The following MED1 variants were observed in gnomAD, a reference collection of about 807,000 sequenced individuals.
The protein encoded by MED1 is mediator complex subunit 1, also known as mediator of RNA polymerase II transcription subunit 1.
A neutral mutation model predicts 121.3 loss-of-function variants in MED1; 17 were observed. The observed-to-expected ratio is 0.14, with a 90% CI of 0.10 to 0.21. MED1 has a LOEUF of 0.21. Ranked by LOEUF, MED1 falls within the 10% of genes least tolerant of loss-of-function variation. The pLI is 1.00. For synonymous variants in MED1, 661 were observed against 694.4 expected (o/e 0.95, Z 0.76); for missense variants, 1,558 against 1,919.4 (o/e 0.81, Z 3.52).
At position 39,451,171 on chromosome 17, in the gene MED1, C is replaced by G; in HGVS notation, c.-109G>C. ...TCCCGGGACGCAGGGCACCAGCAGT[C>G]CCTACTCTTCCCGGGAAGGATCAAT... On this transcript the variant is annotated 5_prime_UTR_variant, in exon 1 of 17. Coordinates refer to ENST00000300651, the MANE Select transcript of MED1 (RefSeq NM_004774.4). The G allele has an allele frequency of 8.1e-7, 1 of 1,239,264 alleles. No homozygotes were observed. The highest frequency in any genetic ancestry group is 2.5e-5 in the East Asian group (1 of 40,228). The allele number at this position is 1,239,264 out of a possible 1,614,324, so 76.8% of individuals were successfully genotyped here. A position where few individuals can be genotyped will look rare whatever the true frequency, so the allele number is the denominator to read the frequency against.
intron 9 of MED1, among the ~76,000 whole-genome samples, chr17:39,428,175 C>G (rs1398424670): frequency 6.6e-6 from 1 of 152,126 alleles, no homozygotes; most frequent in African/African-American, 2.4e-5. Context: ...ATGGTGAAAC[C>G]CCATCTCTAC....
chr17:39,432,791 G>A (rs545198844), intron 7 of MED1, among the ~76,000 whole-genome samples: 12 of 151,728 alleles, frequency 7.9e-5, no homozygotes, highest in East Asian at 3.9e-4. Context: ...CTGGCCAGGC[G>A]CGGTGGCTCA....
In MED1 at chr17:39,406,823, A is replaced by G; in HGVS notation, c.*652T>C. ...CGGCCTTCCATCATTTTGAACCCTA[A>G]ACCTCATAGATTTAGAACGAAACAC... On this transcript the variant is annotated 3_prime_UTR_variant, in exon 17 of 17. Coordinates refer to ENST00000300651, the MANE Select transcript of MED1 (RefSeq NM_004774.4). 1 of 985,514 alleles carries G rather than the reference A, an allele frequency of 1.0e-6. No individual in the cohort carries two copies. The highest frequency in any genetic ancestry group is 1.2e-6 in the Non-Finnish European group (1 of 829,938). The allele number at this position is 985,514 out of a possible 1,614,324, so 61.0% of individuals were successfully genotyped here.
chr17:39,443,818 T>C (rs1412209151), intron 2 of MED1, among the ~76,000 whole-genome samples, 190 bp from the exon 3 acceptor site: 2 of 71,630 alleles, frequency 2.8e-5, no homozygotes, highest in African/African-American at 8.9e-5. Context: ...GCAAAATCCA[T>C]ATATATGAGT....
chr17:39,405,092 C>A lies in MED1; in HGVS notation c.*2383G>T. ...CTTTTGAAACAGAAGAATGAGTACA[C>A]CTAGACAGGAGGGAGGTGTCCCAGG... is the stretch of plus-strand genomic sequence containing the variant. On this transcript the variant is annotated 3_prime_UTR_variant, in exon 17 of 17. Transcript: ENST00000300651. 9.6e-7 allele frequency: 1 copy of A among 1,037,896 alleles called. No homozygotes were observed. The allele number at this position is 1,037,896 out of a possible 1,614,324, so 64.3% of individuals were successfully genotyped here. A position where few individuals can be genotyped will look rare whatever the true frequency, so the allele number is the denominator to read the frequency against.
At position 39,406,371 on chromosome 17, in the gene MED1, T is replaced by A; in HGVS notation, c.*1104A>T. 1 of 985,510 alleles carries A rather than the reference T, an allele frequency of 1.0e-6. No individual in the cohort carries two copies. The highest frequency in any genetic ancestry group is 1.2e-6 in the Non-Finnish European group (1 of 829,920). 61.0% of individuals were successfully genotyped at this position (985,510 alleles called of 1,614,324 possible). A position where few individuals can be genotyped will look rare whatever the true frequency, so the allele number is the denominator to read the frequency against. Reference sequence around the variant, plus strand: ...CCTTGTGATGAAGAGAAACAGTGAGTCCAGCTCTTAGGAATGGCATCAGTT... The same window carrying A: ...CCTTGTGATGAAGAGAAACAGTGAGACCAGCTCTTAGGAATGGCATCAGTT... On this transcript the variant is annotated 3_prime_UTR_variant, in exon 17 of 17. Coordinates refer to ENST00000300651, the MANE Select transcript of MED1 (RefSeq NM_004774.4).
intron 16 of MED1, among the ~76,000 whole-genome samples, chr17:39,413,926 A>G (rs1353940514): frequency 6.7e-6 from 1 of 149,614 alleles, no homozygotes; most frequent in Non-Finnish European, 1.5e-5. Context: ...AAAAAAAAAA[A>G]AAAAAAAAAA....
chr17:39,418,309 C>G (rs905733063), intron 14 of MED1, among the ~76,000 whole-genome samples: 16 of 151,912 alleles, frequency 1.1e-4, no homozygotes, highest in African/African-American at 3.9e-4. Context: ...GAGGCCTAGT[C>G]AAGAGGATCG....
At position 39,405,762 on chromosome 17, in the gene MED1, T is replaced by A; in HGVS notation, c.*1713A>T. The A allele has an allele frequency of 1.0e-6, 1 of 987,238 alleles. No individual in the cohort carries two copies. The highest frequency in any genetic ancestry group is 1.2e-6 in the Non-Finnish European group (1 of 831,108). 61.2% of individuals were successfully genotyped at this position (987,238 alleles called of 1,614,324 possible). A position where few individuals can be genotyped will look rare whatever the true frequency, so the allele number is the denominator to read the frequency against. On this transcript the variant is annotated 3_prime_UTR_variant, in exon 17 of 17. Coordinates refer to ENST00000300651, the MANE Select transcript of MED1 (RefSeq NM_004774.4). ...CTGATGACAATAAAAAGGAGAACACTAGAGGAAATGAGACAGGAAAGAAAG... is the reference window on the plus strand; with the variant it reads ...CTGATGACAATAAAAAGGAGAACACAAGAGGAAATGAGACAGGAAAGAAAG...
rs767935715 is a variant in MED1, at chr17:39,406,758, C to T, written c.*717G>A. ...TGGGCTTGATGCTACAGTATTAGCA[C>T]AAGCTATAAGCTCCCTACCACCATA... On this transcript the variant is annotated 3_prime_UTR_variant, in exon 17 of 17. Coordinates refer to ENST00000300651, the MANE Select transcript of MED1 (RefSeq NM_004774.4). The T allele has an allele frequency of 7.1e-6, 7 of 985,406 alleles. No individual in the cohort carries two copies. The highest frequency in any genetic ancestry group is 1.7e-5 in the African/African-American group (1 of 57,236). The allele number at this position is 985,406 out of a possible 1,614,324, so 61.0% of individuals were successfully genotyped here.
chr17:39,434,264 T>C lies in MED1; in HGVS notation c.485A>G (p.Asn162Ser). The C allele has an allele frequency of 6.4e-7, 1 of 1,563,436 alleles. No homozygotes were observed. Among genetic ancestry groups the C allele is most frequent in the Non-Finnish European group, 8.6e-7 (1 of 1,157,748 alleles). Residue 162 changes from asparagine (N) to serine (S), a missense_variant, in exon 7 of 17, where the codon AAC becomes AGC. Asn to Ser is a conservative substitution (Grantham distance 46, BLOSUM62 1). This residue lies in a region of MED1 where 443 missense variants were observed against 532.4 expected (regional missense o/e 0.83). Coordinates refer to ENST00000300651, the MANE Select transcript of MED1 (RefSeq NM_004774.4). Reference sequence around the variant, plus strand: ...AAATACTTACTTGTCCCCTGGAAGGTTATACAGATTAACAAGGCCCTTAAG... The same window carrying C: ...AAATACTTACTTGTCCCCTGGAAGGCTATACAGATTAACAAGGCCCTTAAG... The part of the protein sequence containing the change: ...KHLKGLVNLY[N>S]LPGDNKLKTK...
rs138996918 is a variant in MED1 at position 39,439,125 on chromosome 17, T to C, written c.428+40A>G. On this transcript the variant is annotated intron_variant, in intron 6 of 16. Coordinates refer to ENST00000300651, the MANE Select transcript of MED1 (RefSeq NM_004774.4). ...AAAAGCCAGCTGTAAAGAACAGCAC[T>C]GTCTGTCAATATCAAGGAATATAAA... 7.9e-5 allele frequency: 125 copies of C among 1,573,500 alleles called. No homozygotes were observed. The African/African-American group carries it at 1.5e-3, about 19-fold the overall frequency.
At chr17:39,441,002 T>TA (rs1211021602) in intron 3 of MED1, among the ~76,000 whole-genome samples, 6 of 151,798 alleles carry the variant, frequency 4.0e-5, no homozygotes, top group Non-Finnish European at 8.8e-5. Flanking sequence ...AAACTAACAT[T>TA]AAAAAAAACT....
rs369112561 is a variant in MED1, at chr17:39,446,014, C to G, written c.132+1784G>C. The stretch of plus-strand genomic sequence containing the variant: ...ACTGCACTCCAGCCTAGGTGACAGA[C>G]AGAGATTCCATCTTTAAAAAAAAAA... On this transcript the variant is annotated intron_variant, in intron 2 of 16. Coordinates refer to ENST00000300651, the MANE Select transcript of MED1 (RefSeq NM_004774.4). Among the ~76,000 whole-genome samples the G allele has an allele frequency of 2.3e-3, 317 of 136,176 alleles. 10 individuals are homozygous for G. In the South Asian group the frequency reaches 0.071, roughly 31 times the overall value. The allele number at this position is 136,176 out of a possible 152,430, so 89.3% of individuals were successfully genotyped here. A position where few individuals can be genotyped will look rare whatever the true frequency, so the allele number is the denominator to read the frequency against.
chr17:39,451,059 T>C lies in MED1; in HGVS notation c.4A>G (p.Lys2Glu). M[K>E]AQGETEESEK... ...TTACCCTCGGTTTCCCCCTGAGCTT[T>C]CATCCTGAAGGCGAGGAGAAGCTAG... is the stretch of plus-strand genomic sequence containing the variant. Residue 2 changes from lysine to glutamate, a missense_variant, in exon 1 of 17, where the codon AAA (lysine) becomes GAA (glutamate). By Grantham distance (56) the Lys-to-Glu change is moderately conservative. Around this residue, in one of 5 missense-constraint regions of MED1, gnomAD observed 443 missense variants for 532.4 expected, o/e 0.83. Transcript: ENST00000300651. The C allele has an allele frequency of 3.7e-6, 6 of 1,611,690 alleles. No homozygotes were observed. Among genetic ancestry groups the C allele is most frequent in the Non-Finnish European group, 4.2e-6 (5 of 1,179,038 alleles).
chr17:39,410,514 C>G lies in MED1; in HGVS notation c.1707G>C (p.Gly569=). 2 of 1,614,078 alleles carry G rather than the reference C, an allele frequency of 1.2e-6. No homozygotes were observed. Among genetic ancestry groups the G allele is most frequent in the Non-Finnish European group, 1.7e-6 (2 of 1,180,032 alleles). The change falls in exon 17 of 17, where the codon GGG becomes GGC. Residue 569 remains glycine, a synonymous_variant. Transcript: ENST00000300651. ...GTTTPTNTFP[G]GPITTLFNMS... is the part of the protein sequence containing the mutation. ...TATTAAACAAGGTGGTAATGGGACC[C>G]CCCGGAAAGGTGTTGGTTGGTGTAG... is the stretch of plus-strand genomic sequence containing the variant.
chr17:39,413,876 C>A (rs1479659798), intron 16 of MED1, among the ~76,000 whole-genome samples: 1 of 143,112 alleles, frequency 7.0e-6, no homozygotes, highest in Admixed American at 7.1e-5. Flanking sequence ...CTGAAGTTAC[C>A]TACTTTACTT....
Position 39,406,916 on chromosome 17 carries a change from C to G in MED1, c.*559G>C, listed in dbSNP as rs757538961. The G allele has an allele frequency of 1.8e-5, 18 of 985,914 alleles. No homozygotes were observed. The highest frequency in any genetic ancestry group is 1.4e-4 in the South Asian group (3 of 21,280). 61.1% of individuals were successfully genotyped at this position (985,914 alleles called of 1,614,324 possible). A position where few individuals can be genotyped will look rare whatever the true frequency, so the allele number is the denominator to read the frequency against. ...AATAGCTAAAATAATCTTCCCTCCCCCAGTCACTCCTAAGAAACAGACACC... is the reference window on the plus strand; with the variant it reads ...AATAGCTAAAATAATCTTCCCTCCCGCAGTCACTCCTAAGAAACAGACACC... On this transcript the variant is annotated 3_prime_UTR_variant, in exon 17 of 17. Coordinates refer to ENST00000300651, the MANE Select transcript of MED1 (RefSeq NM_004774.4).
intron 3 of MED1, among the ~76,000 whole-genome samples, chr17:39,442,627 C>G (rs1314066729): frequency 6.9e-6 from 1 of 145,590 alleles, no homozygotes; most frequent in Non-Finnish European, 1.5e-5. Context: ...AAAAACTTCG[C>G]GAGTTGCTGT....
Sources: allele counts gnomAD v4.1 joint callset (sites outside exome capture counted in the v4.1 genomes callset), GRCh38; gene constraint gnomAD v4.1.1; regional missense constraint gnomAD v4.1.1; transcripts MANE v1.5; gene names NCBI Gene and HGNC (gene_info 2026-07-23, HGNC 2026-07-21).